The following VANGL1 variants were observed in gnomAD, a reference collection of about 807,000 sequenced individuals.
VANGL1 encodes vang-like protein 1.
Under a neutral mutation model 48.4 loss-of-function variants are expected in VANGL1, and 18 were observed. The ratio of observed to expected loss-of-function variants is 0.37; its 90% CI spans 0.26 to 0.55. VANGL1 has a LOEUF of 0.55. VANGL1 is among the 20% of genes least tolerant of loss of function. The pLI is 0.81. For synonymous variants in VANGL1, 257 were observed against 261.8 expected (o/e 0.98, Z 0.18); for missense variants, 667 against 675.8 (o/e 0.99, Z 0.14).
Position 115,664,066 on chromosome 1 carries a change from T to C in VANGL1, c.610T>C (p.Tyr204His), listed in dbSNP as rs1196125934. 4 of 1,614,102 alleles carry C rather than the reference T, an allele frequency of 2.5e-6. No individual in the cohort carries two copies. The highest frequency in any genetic ancestry group is 8.5e-7 in the Non-Finnish European group (1 of 1,180,042). ...CTTTGTGGTTTCCTATTGGCTTTTT[T>C]ACGGGGTCCGCATTTTGGACTCTCG... ...FLFVVSYWLFYGVRILDSRDR... is the reference protein window; with the variant it reads ...FLFVVSYWLFHGVRILDSRDR... The change falls in exon 4 of 8, where the codon TAC (tyrosine) becomes CAC (histidine). Residue 204 changes from tyrosine to histidine, a missense_variant. Physicochemically the swap from Tyr to His is moderately conservative, Grantham distance 83. Transcript: ENST00000355485.
Position 115,663,904 on chromosome 1 carries a change from G to A in VANGL1, c.448G>A (p.Glu150Lys), listed in dbSNP as rs1295991954. The A allele has an allele frequency of 3.1e-6, 5 of 1,614,092 alleles. No homozygotes were observed. In the African/African-American group the frequency reaches 6.7e-5, roughly 22 times the overall value. ...DELEPCGTIC[E>K]GLFISMAFKL... is the part of the protein sequence containing the mutation. ...GCTGGAGCCTTGTGGCACAATTTGT[G>A]AGGGGCTCTTTATCTCCATGGCATT... The change falls in exon 4 of 8, where the codon GAG becomes AAG. Residue 150 changes from glutamate (E) to lysine (K), a missense_variant. By Grantham distance (56) the Glu-to-Lys change is moderately conservative (BLOSUM62 1). Coordinates refer to ENST00000355485, the MANE Select transcript of VANGL1 (RefSeq NM_138959.3).
chr1:115,670,497 T>TA (rs1449001043), intron 4 of VANGL1, among the ~76,000 whole-genome samples: 1 of 152,202 alleles, frequency 6.6e-6, no homozygotes, highest in Non-Finnish European at 1.5e-5. Context: ...CTAGGGATGT[T>TA]AAAGTTACTC....
intron 5 of VANGL1, 56 bp from the exon 6 acceptor site, chr1:115,683,888 T>C: frequency 6.2e-7 from 1 of 1,602,936 alleles, no homozygotes; most frequent in Non-Finnish European, 8.5e-7. Context: ...AGTTTTCTGC[T>C]CTGTTTCCCA....
At position 115,687,987 on chromosome 1, in the gene VANGL1, T is replaced by TAGATAGATAGAC. The variant is rs781284916; in HGVS notation, c.1314+2463_1314+2464insTAGATAGACAGA. 3.4e-4 allele frequency among the ~76,000 whole-genome samples: 44 copies of TAGATAGATAGAC among 129,362 alleles called. 4 individuals are homozygous for TAGATAGATAGAC. Among genetic ancestry groups the TAGATAGATAGAC allele is most frequent in the Middle Eastern group, 4.0e-3 (1 of 250 alleles). 84.9% of individuals were successfully genotyped at this position (129,362 alleles called of 152,430 possible). A position where few individuals can be genotyped will look rare whatever the true frequency, so the allele number is the denominator to read the frequency against. On this transcript the variant is annotated intron_variant, in intron 7 of 7. Transcript: ENST00000355485. ...ATAGATAGATAGATAGATAGATAGA[T>TAGATAGATAGAC]AGACACATAGATAGATACATAGATA...
intron 7 of VANGL1, among the ~76,000 whole-genome samples, chr1:115,689,080 T>G (rs1323694640): frequency 7.3e-6 from 1 of 137,700 alleles, no homozygotes; most frequent in Non-Finnish European, 1.6e-5. Flanking sequence ...CATGAGCCAC[T>G]GCGCCCAGCC....
intron 1 of VANGL1, among the ~76,000 whole-genome samples, chr1:115,643,667 T>C (rs377294585): frequency 2.0e-5 from 3 of 152,312 alleles, no homozygotes; most frequent in African/African-American, 7.2e-5. Context: ...GAGAGTGATA[T>C]ATTTGTAAGG....
intron 2 of VANGL1, among the ~76,000 whole-genome samples, chr1:115,653,096 T>G (rs531785360): frequency 6.6e-6 from 1 of 152,374 alleles, no homozygotes; most frequent in Non-Finnish European, 1.5e-5. Flanking sequence ...ACATAGTGAC[T>G]ATGCCTGTCT....
chr1:115,667,214 T>A (rs1652825845), intron 4 of VANGL1, among the ~76,000 whole-genome samples: 1 of 152,226 alleles, frequency 6.6e-6, no homozygotes, highest in Non-Finnish European at 1.5e-5. Flanking sequence ...GATGATTTTA[T>A]CGAATTGACT....
Position 115,664,008 on chromosome 1 carries a change from G to A in VANGL1, c.552G>A (p.Val184=). Residue 184 remains valine (V), a synonymous_variant, in exon 4 of 8, where the codon GTG becomes GTA. Transcript: ENST00000355485. ...KRRADMPRVF[V]FRALLLVLIF... ...GAGCTGACATGCCACGGGTGTTTGT[G>A]TTTCGTGCCCTTTTGTTGGTCCTCA... The A allele has an allele frequency of 6.2e-7, 1 of 1,614,180 alleles. No individual in the cohort carries two copies. The highest frequency in any genetic ancestry group is 8.5e-7 in the Non-Finnish European group (1 of 1,180,030).
In VANGL1 at chr1:115,664,012, C is replaced by T. The variant is rs765459331; in HGVS notation, c.556C>T (p.Arg186Cys). 5.6e-6 allele frequency: 9 copies of T among 1,614,160 alleles called. No individual in the cohort carries two copies. The highest frequency in any genetic ancestry group is 2.2e-5 in the East Asian group (1 of 44,882). The change falls in exon 4 of 8, where the codon CGT becomes TGT. Residue 186 changes from arginine (R) to cysteine (C), a missense_variant. Arg to Cys is a radical substitution (Grantham distance 180, BLOSUM62 -3). Transcript: ENST00000355485. ...RADMPRVFVFRALLLVLIFLF... is the reference protein window; with the variant it reads ...RADMPRVFVFCALLLVLIFLF... ...TGACATGCCACGGGTGTTTGTGTTT[C>T]GTGCCCTTTTGTTGGTCCTCATCTT...
chr1:115,659,904 A>G lies in VANGL1; in HGVS notation c.204+131A>G, dbSNP rs886462614. The G allele has an allele frequency of 5.7e-5, 73 of 1,289,614 alleles. No homozygotes were observed. In the Admixed American group the frequency reaches 1.4e-3, roughly 24 times the overall value. The allele number at this position is 1,289,614 out of a possible 1,614,324, so 79.9% of individuals were successfully genotyped here. On this transcript the variant is annotated intron_variant, in intron 3 of 7. Transcript: ENST00000355485. ...ATGCTAATTAGTTTATCTATGTCCCATGGTCTCTTGTTGGTCTAAGGACAG... is the reference window on the plus strand; with the variant it reads ...ATGCTAATTAGTTTATCTATGTCCCGTGGTCTCTTGTTGGTCTAAGGACAG...
intron 4 of VANGL1, among the ~76,000 whole-genome samples, chr1:115,680,761 T>C (rs1398435521): frequency 1.6e-5 from 1 of 61,728 alleles, no homozygotes. Context: ...TTCCAGTGGA[T>C]AGTTTAGGAG....
chr1:115,663,601 C>G, intron 3 of VANGL1, 60 bp from the exon 4 acceptor site: 1 of 1,612,894 alleles, frequency 6.2e-7, no homozygotes, highest in Non-Finnish European at 8.5e-7. Context: ...TGTTCACTGC[C>G]CTTTGTAGCT....
intron 2 of VANGL1, among the ~76,000 whole-genome samples, chr1:115,652,555 A>G (rs144902935): frequency 2.8e-4 from 42 of 152,340 alleles, no homozygotes; most frequent in Middle Eastern, 3.4e-3. Context: ...GTCAGTCAAC[A>G]GTGGCTAAAG....
chr1:115,667,118 C>G (rs1006019045), intron 4 of VANGL1, among the ~76,000 whole-genome samples: 1 of 152,250 alleles, frequency 6.6e-6, no homozygotes, highest in African/African-American at 2.4e-5. Context: ...GCTGTTGGCT[C>G]TCCCTTTATG....
intron 1 of VANGL1, among the ~76,000 whole-genome samples, chr1:115,645,930 A>G (rs1380624820): frequency 1.3e-5 from 2 of 152,212 alleles, no homozygotes; most frequent in Non-Finnish European, 2.9e-5. Context: ...TTTCCAAACC[A>G]GAGCTCCCTT....
chr1:115,686,336 C>T (rs964098991), intron 7 of VANGL1, among the ~76,000 whole-genome samples: 7 of 144,420 alleles, frequency 4.8e-5, no homozygotes, highest in Non-Finnish European at 1.0e-4. Flanking sequence ...CGCACCACTG[C>T]ACTCCAGCCT....
At chr1:115,679,757 C>T (rs1433082331) in intron 4 of VANGL1, among the ~76,000 whole-genome samples, 1 of 152,178 alleles carries the variant, frequency 6.6e-6, no homozygotes, top group Non-Finnish European at 1.5e-5. Flanking sequence ...CTGATGATTG[C>T]TTTTTAATTT....
At position 115,674,098 on chromosome 1, in the gene VANGL1, T is replaced by A. The variant is rs61800300; in HGVS notation, c.813-8266T>A. 2.9e-3 allele frequency among the ~76,000 whole-genome samples: 445 copies of A among 152,312 alleles called. 1 individual carries two copies. The highest frequency in any genetic ancestry group is 5.2e-3 in the Non-Finnish European group (351 of 68,030). On this transcript the variant is annotated intron_variant, in intron 4 of 7. Transcript: ENST00000355485. ...ACTGACCCTGTTGCTCTATTGTGGA[T>A]GTTTGGGAGGATTAACACCAGCCTG...
Sources: gnomAD v4.1 joint callset for allele counts (sites outside exome capture counted in the v4.1 genomes callset) on GRCh38, gnomAD v4.1.1 for gene constraint, MANE v1.5 for transcripts, NCBI Gene and HGNC (gene_info 2026-07-23, HGNC 2026-07-21) for gene names.